PRIM2: variants seen among roughly 807,000 people sequenced by gnomAD.
PRIM2 encodes the protein DNA primase large subunit.
A neutral mutation model predicts 67.3 loss-of-function variants in PRIM2; 39 were observed. The observed-to-expected ratio is 0.58, with a 90% CI of 0.45 to 0.76. The LOEUF (loss-of-function observed/expected upper bound fraction) is 0.76. Ranked by LOEUF, PRIM2 falls within the 30% of genes least tolerant of loss-of-function variation. The pLI, the probability that PRIM2 is intolerant of heterozygous loss-of-function variation, is 0.00. For synonymous variants in PRIM2, 143 were observed against 198.7 expected, an observed-to-expected ratio of 0.72 and a Z score of 2.36; for missense variants, 398 against 598.7, an observed-to-expected ratio of 0.66 and a Z score of 3.50.
intron 7 of PRIM2, among the ~76,000 whole-genome samples, chr6:57,384,603 C>G (rs1720567085): frequency 1.3e-5 from 2 of 152,080 alleles, no homozygotes; most frequent in African/African-American, 2.4e-5. Context: ...AAGGGATAGC[C>G]TAGCCTAAGA....
chr6:57,469,353 C>T (rs1773281821), intron 7 of PRIM2, among the ~76,000 whole-genome samples: 1 of 152,182 alleles, frequency 6.6e-6, no homozygotes, highest in African/African-American at 2.4e-5. Context: ...ATTCTTAGCA[C>T]CCTCAGTATA....
chr6:57,382,992 G>A (rs1423936898), intron 7 of PRIM2: 2 of 151,950 alleles, frequency 1.3e-5, no homozygotes, highest in Non-Finnish European at 2.9e-5. Context: ...CAGCACTTGG[G>A]AAGACTAAAA....
chr6:57,621,774 C>T (rs1340590675), intron 12 of PRIM2, among the ~76,000 whole-genome samples: 6 of 152,132 alleles, frequency 3.9e-5, no homozygotes, highest in Non-Finnish European at 8.8e-5. Flanking sequence ...TACCTTAGCT[C>T]GTGTTCATTC....
chr6:57,403,265 T>C (rs1231257248), intron 7 of PRIM2, among the ~76,000 whole-genome samples: 1 of 147,728 alleles, frequency 6.8e-6, no homozygotes, highest in Admixed American at 6.7e-5. Context: ...TTTTTTTTTT[T>C]TTTTTTTTGG....
chr6:57,345,583 T>C (rs1768649773), intron 5 of PRIM2, among the ~76,000 whole-genome samples: 1 of 150,810 alleles, frequency 6.6e-6, no homozygotes, highest in Admixed American at 6.6e-5. Flanking sequence ...AAATATTCTC[T>C]GTAGTTTACC....
chr6:57,367,252 G>A (rs10949028), intron 5 of PRIM2, among the ~76,000 whole-genome samples: 2 of 152,064 alleles, frequency 1.3e-5, no homozygotes, highest in East Asian at 1.9e-4. Flanking sequence ...AATTAATTCA[G>A]CCACAGAGTG....
intron 10 of PRIM2, among the ~76,000 whole-genome samples, chr6:57,592,741 A>G (rs1776302898): frequency 6.6e-6 from 1 of 151,980 alleles, no homozygotes; most frequent in African/African-American, 2.4e-5. Flanking sequence ...CAGTGAACCA[A>G]GATCACACCA....
chr6:57,611,149 A>G (rs1235203380), intron 12 of PRIM2, among the ~76,000 whole-genome samples: 2 of 152,242 alleles, frequency 1.3e-5, no homozygotes, highest in African/African-American at 4.8e-5. Context: ...ATATACAAAA[A>G]TCAATTCTAT....
intron 13 of PRIM2, among the ~76,000 whole-genome samples, chr6:57,645,598 G>T (rs1295165804): frequency 1.3e-5 from 2 of 151,080 alleles, no homozygotes; most frequent in African/African-American, 4.9e-5. Flanking sequence ...GAGGGGAAAG[G>T]ATACGTTTCC....
the PRIM2 span, among the ~76,000 whole-genome samples, chr6:57,285,812 A>C: frequency 6.6e-6 from 1 of 152,230 alleles, no homozygotes; most frequent in Non-Finnish European, 1.5e-5. Context: ...AGAGGAAGTC[A>C]AATTGTCTCT....
intron 7 of PRIM2, among the ~76,000 whole-genome samples, chr6:57,400,855 C>G (rs940474793): frequency 6.6e-6 from 1 of 152,140 alleles, no homozygotes; most frequent in African/African-American, 2.4e-5. Context: ...TTTCAGAGAG[C>G]CAGTCTTTAA....
At chr6:57,305,430 T>C in the PRIM2 span, among the ~76,000 whole-genome samples, 2 of 152,168 alleles carry the variant, frequency 1.3e-5, no homozygotes, top group African/African-American at 2.4e-5. Flanking sequence ...ATGGGCAAGA[T>C]AGTCTGCTTG....
chr6:57,608,715 GAAAAAAA>G (rs1228501753), intron 12 of PRIM2, among the ~76,000 whole-genome samples: 19 of 76,294 alleles, frequency 2.5e-4, no homozygotes, highest in Admixed American at 1.9e-3. Flanking sequence ...CCTGTCTCAA[GAAAAAAA>G]AAAAAAAAAA....
the PRIM2 span, among the ~76,000 whole-genome samples, chr6:57,240,725 T>G: frequency 6.6e-6 from 1 of 152,140 alleles, no homozygotes; most frequent in South Asian, 2.1e-4. Flanking sequence ...AAAAACATGT[T>G]GAGTAAAGAC....
intron 10 of PRIM2, 47 bp from the exon 11 acceptor site, chr6:57,601,046 A>G: frequency 6.5e-7 from 1 of 1,539,128 alleles, no homozygotes; most frequent in Non-Finnish European, 8.8e-7. Flanking sequence ...CCTCACTAGT[A>G]TAATTATTGG....
At chr6:57,397,716 G>C (rs1770565253) in intron 7 of PRIM2, among the ~76,000 whole-genome samples, 1 of 151,466 alleles carries the variant, frequency 6.6e-6, no homozygotes, top group Non-Finnish European at 1.5e-5. Flanking sequence ...GAACTAGTTT[G>C]CAAAAAAAAT....
At chr6:57,472,352 C>G (rs1773356381) in intron 7 of PRIM2, among the ~76,000 whole-genome samples, 1 of 151,450 alleles carries the variant, frequency 6.6e-6, no homozygotes, top group African/African-American at 2.4e-5. Context: ...ATCGCTTGAA[C>G]CCGGTAGGCG....
chr6:57,501,407 A>G (rs1774128853), intron 7 of PRIM2, among the ~76,000 whole-genome samples: 1 of 151,804 alleles, frequency 6.6e-6, no homozygotes, highest in Non-Finnish European at 1.5e-5. Context: ...TCAAGCGATT[A>G]TCCTGCCTCA....
the PRIM2 span, among the ~76,000 whole-genome samples, chr6:57,230,217 C>G: frequency 6.6e-6 from 1 of 152,178 alleles, no homozygotes; most frequent in Non-Finnish European, 1.5e-5. Flanking sequence ...CTTCCCTGTT[C>G]TCCTTGACAA....
Sources: gnomAD v4.1 joint callset for allele counts (sites outside exome capture counted in the v4.1 genomes callset) on GRCh38, gnomAD v4.1.1 for gene constraint, MANE v1.5 for transcripts, NCBI Gene and HGNC (gene_info 2026-07-23, HGNC 2026-07-21) for gene names.